CUBN: variants seen among roughly 807,000 people sequenced by gnomAD.
CUBN encodes cubilin.
A neutral mutation model predicts 405.3 loss-of-function variants in CUBN; 282 were observed. That is an observed-to-expected ratio of 0.70 (90% CI 0.63 to 0.77). The LOEUF (loss-of-function observed/expected upper bound fraction) is 0.77. CUBN is among the 30% of genes least tolerant of loss of function. CUBN has a pLI of 0.00. For missense variants in CUBN, 4,514 were observed against 4,475.2 expected (o/e 1.01, Z -0.25); for synonymous variants, 1,684 against 1,617.0 (o/e 1.04, Z -0.99).
At chr10:17,034,913 C>A (rs886416678) in intron 27 of CUBN, among the ~76,000 whole-genome samples, 1 of 151,954 alleles carries the variant, frequency 6.6e-6, no homozygotes, top group Non-Finnish European at 1.5e-5. Flanking sequence ...AAGTGCAACT[C>A]TGGACTAATT....
Position 17,071,485 on chromosome 10 carries a change from G to A in CUBN, c.2566C>T (p.Leu856Phe). The A allele has an allele frequency of 6.2e-7, 1 of 1,613,994 alleles. No individual in the cohort carries two copies. Among genetic ancestry groups the A allele is most frequent in the Non-Finnish European group, 8.5e-7 (1 of 1,179,942 alleles). The stretch of plus-strand genomic sequence containing the variant: ...CCAATTTCAAAGACAGTGAAGTTGA[G>A]GAGAATGACTTGGCTTTGGGGCTGG... ...IHQPQSQVIL[L>F]NFTVFEIGSS... The change falls in exon 19 of 67, where the codon CTC becomes TTC. Residue 856 changes from leucine (L) to phenylalanine (F), a missense_variant. This residue lies in a region of CUBN where 1,448 missense variants were observed against 1,388.0 expected (regional missense o/e 1.04). Transcript: ENST00000377833.
At chr10:16,825,856 A>G (rs1838761262) in intron 66 of CUBN, among the ~76,000 whole-genome samples, 1 of 152,162 alleles carries the variant, frequency 6.6e-6, no homozygotes, top group Admixed American at 6.5e-5. Flanking sequence ...ACCCCAAGTC[A>G]TCAAAACACA....
Position 16,866,295 on chromosome 10 carries a change from GAA to G in CUBN, c.9454+3339_9454+3340del, listed in dbSNP as rs146192857. On this transcript the variant is annotated intron_variant, in intron 59 of 66. Coordinates refer to ENST00000377833, the MANE Select transcript of CUBN (RefSeq NM_001081.4). ...ATGTGTAGTGTGACATGCATATTGT[GAA>G]TAGGCCAAGCAACTCTCTGGTATGA... Among the ~76,000 whole-genome samples, 955 of 152,280 alleles carry G rather than the reference GAA, an allele frequency of 6.3e-3. 12 individuals are homozygous for G. Among genetic ancestry groups the G allele is most frequent in the African/African-American group, 0.021 (880 of 41,548 alleles).
rs779721382 is a variant in CUBN at position 16,915,968 on chromosome 10, G to C, written c.7063C>G (p.Leu2355Val). ...GVVESIGHPT[L>V]PYRDNLFCEW... ...CAGAATAAGTTGTCTCTGTATGGAA[G>C]TGTTGGATGTCCAATGCTTTCAACA... Residue 2355 changes from leucine to valine, a missense_variant, in exon 46 of 67, where the codon CTT becomes GTT. Coordinates refer to ENST00000377833, the MANE Select transcript of CUBN (RefSeq NM_001081.4). The C allele has an allele frequency of 6.2e-7, 1 of 1,613,974 alleles. No individual in the cohort carries two copies. Among genetic ancestry groups the C allele is most frequent in the South Asian group, 1.1e-5 (1 of 91,090 alleles).
chr10:16,887,482 AC>A (rs1311776999), intron 56 of CUBN, among the ~76,000 whole-genome samples: 24 of 152,308 alleles, frequency 1.6e-4, no homozygotes, highest in African/African-American at 5.1e-4. Flanking sequence ...TTCTGCCTCT[AC>A]TTACTCCTCA....
At chr10:16,959,541 T>G in intron 31 of CUBN, among the ~76,000 whole-genome samples, 1 of 151,388 alleles carries the variant, frequency 6.6e-6, no homozygotes, top group East Asian at 1.9e-4. Context: ...GGCAGGAGAA[T>G]CACTTGAACC....
chr10:16,898,066 GTA>G (rs10551726), intron 54 of CUBN, among the ~76,000 whole-genome samples: 109,989 of 144,930 alleles, frequency 0.76, 42,217 homozygotes, highest in East Asian at 0.97. Context: ...TTTATTATAT[GTA>G]TATATATATA....
At chr10:17,121,945 A>G (rs1456259777) in intron 6 of CUBN, 1 of 152,254 alleles carries the variant, frequency 6.6e-6, no homozygotes, top group Non-Finnish European at 1.5e-5. Flanking sequence ...AAAAGAGACC[A>G]GCCAAACTAT....
chr10:16,924,621 A>G (rs1212741198), intron 43 of CUBN, among the ~76,000 whole-genome samples: 1 of 152,060 alleles, frequency 6.6e-6, no homozygotes, highest in Non-Finnish European at 1.5e-5. Flanking sequence ...TTCTACTGAC[A>G]TTACTCCCTT....
chr10:16,847,317 T>C (rs1267557599), intron 60 of CUBN, among the ~76,000 whole-genome samples: 1 of 151,746 alleles, frequency 6.6e-6, no homozygotes, highest in African/African-American at 2.4e-5. Context: ...CTGGGTGTGG[T>C]GGCGGGCGCC....
At chr10:16,883,447 G>A (rs1840720480) in intron 56 of CUBN, among the ~76,000 whole-genome samples, 1 of 152,100 alleles carries the variant, frequency 6.6e-6, no homozygotes, top group South Asian at 2.1e-4. Context: ...TGTGGAATGC[G>A]ACCACATTCT....
chr10:16,990,956 G>A (rs1003307260), intron 28 of CUBN, among the ~76,000 whole-genome samples: 1 of 152,138 alleles, frequency 6.6e-6, no homozygotes, highest in African/African-American at 2.4e-5. Context: ...GCAGTCCCGT[G>A]CAGATCTAAG....
intron 61 of CUBN, 57 bp downstream of exon 61, chr10:16,840,828 T>C (rs1486200875): frequency 1.4e-6 from 2 of 1,449,314 alleles, no homozygotes; most frequent in Admixed American, 1.7e-5. Flanking sequence ...GGCATTCTTT[T>C]CAGTGCATAA....
chr10:16,831,511 G>T, intron 64 of CUBN, 94 bp from the exon 65 acceptor site: 2 of 1,144,924 alleles, frequency 1.7e-6, no homozygotes, highest in Middle Eastern at 2.4e-4. Context: ...ACATTGGTCG[G>T]AAAAGCTTTG....
intron 33 of CUBN, among the ~76,000 whole-genome samples, chr10:16,951,439 C>G (rs113588832): frequency 2.0e-5 from 3 of 152,160 alleles, no homozygotes; most frequent in African/African-American, 7.2e-5. Context: ...TTCACACAGG[C>G]GATTAATTAC....
rs150846323 is a variant in CUBN at position 16,907,545 on chromosome 10, G to T, written c.7668C>A (p.Gly2556=). 6.2e-7 allele frequency: 1 copy of T among 1,614,114 alleles called. No individual in the cohort carries two copies. Among genetic ancestry groups the T allele is most frequent in the East Asian group, 2.2e-5 (1 of 44,874 alleles). Residue 2556 remains glycine (G), a synonymous_variant, in exon 49 of 67, where the codon GGC becomes GGA. Coordinates refer to ENST00000377833, the MANE Select transcript of CUBN (RefSeq NM_001081.4). ...TGGAGGTATAGGAAGCAGTGAAGCC[G>T]CCATATGGCCTGGATCCATCCGTGA... ...IFFTDGSRPY[G]GFTASYTSSE... is the part of the protein sequence containing the mutation.
At chr10:16,944,679 G>A (rs149336914) in intron 36 of CUBN, among the ~76,000 whole-genome samples, 62 of 152,276 alleles carry the variant, frequency 4.1e-4, no homozygotes, top group Middle Eastern at 3.4e-3. Flanking sequence ...TAACTCAGAG[G>A]AATCAAAATT....
rs1453864210 is a variant in CUBN at position 16,928,238 on chromosome 10, A to ACCG, written c.6187_6189dup (p.Arg2063dup). 6.2e-7 allele frequency: 1 copy of ACCG among 1,613,888 alleles called. No individual in the cohort carries two copies. The highest frequency in any genetic ancestry group is 8.5e-7 in the Non-Finnish European group (1 of 1,179,904). On this transcript the variant is annotated inframe_insertion, in exon 41 of 67. Transcript: ENST00000377833. ...CGGATGAACATGTACTCTCCAGTAG[A>ACCG]CCGGATGGGCCCAGGGATCTCTCTG...
At chr10:16,935,305 C>A (rs1237780178) in intron 39 of CUBN, among the ~76,000 whole-genome samples, 1 of 152,074 alleles carries the variant, frequency 6.6e-6, no homozygotes, top group South Asian at 2.1e-4. Flanking sequence ...GCATGCACCA[C>A]CATGCCTACC....
Sources: allele counts gnomAD v4.1 joint callset (sites outside exome capture counted in the v4.1 genomes callset), GRCh38; gene constraint gnomAD v4.1.1; regional missense constraint gnomAD v4.1.1; transcripts MANE v1.5; gene names NCBI Gene and HGNC (gene_info 2026-07-23, HGNC 2026-07-21).